Variants in SHOX2 observed in about 807,000 individuals in gnomAD.
The protein encoded by SHOX2 is SHOX homeobox 2, also known as short stature homeobox protein 2.
SHOX2 carries 13 observed loss-of-function variants against 31.3 expected under a neutral mutation model. That is an observed-to-expected ratio of 0.42 (90% confidence interval 0.27 to 0.66). The LOEUF is 0.66. SHOX2 is among the 30% of genes least tolerant of loss of function. The pLI is 0.27. For synonymous variants in SHOX2, 244 were observed against 196.2 expected (o/e 1.24, Z -2.04); for missense variants, 473 against 443.0 (o/e 1.07, Z -0.61).
In SHOX2 at chr3:158,105,953, C is replaced by A. The variant is rs1036850162; in HGVS notation, c.72G>T (p.Thr24=). ...QKVKEKKEAI[T]YREVLESGPL... is the part of the protein sequence containing the mutation. ...GCCCGCTCTCCAGCACCTCCCGGTA[C>A]GTGATCGCCTCCTTCTTCTCCTTCA... Residue 24 remains threonine, a synonymous_variant, in exon 1 of 5, where the codon ACG becomes ACT. Transcript: ENST00000483851. The A allele has an allele frequency of 1.2e-6, 2 of 1,612,604 alleles. No individual in the cohort carries two copies. The highest frequency in any genetic ancestry group is 1.7e-6 in the Non-Finnish European group (2 of 1,179,642).
intron 4 of SHOX2, among the ~76,000 whole-genome samples, chr3:158,099,150 C>A (rs1365988670): frequency 6.6e-6 from 1 of 152,218 alleles, no homozygotes; most frequent in East Asian, 1.9e-4. Context: ...GGGGTCCTGG[C>A]TGAGGATAGG....
At chr3:158,100,614 T>A (rs577857313) in intron 2 of SHOX2, among the ~76,000 whole-genome samples, 20 of 152,340 alleles carry the variant, frequency 1.3e-4, no homozygotes, top group South Asian at 2.1e-4. Context: ...GATACCAACA[T>A]GATAATGGTT....
Position 158,098,153 on chromosome 3 carries a change from G to A in SHOX2, c.834C>T (p.Ala278=), listed in dbSNP as rs145990015. 1.5e-5 allele frequency: 24 copies of A among 1,613,292 alleles called. No homozygotes were observed. Among genetic ancestry groups the A allele is most frequent in the Middle Eastern group, 1.6e-4 (1 of 6,066 alleles). Residue 278 remains alanine (A), a synonymous_variant, in exon 5 of 5, where the codon GCC becomes GCT. Transcript: ENST00000483851. ...PPFGLPLATL[A]ADSASAASVV... ...CCGAGGCGGCGGAAGCCGAATCCGC[G>A]GCCAGCGTGGCGAGCGGCAGTCCGA...
rs564146581 is a variant in SHOX2, at chr3:158,097,717, G to A, written c.*310C>T. 1.6e-4 allele frequency: 50 copies of A among 322,526 alleles called. No homozygotes were observed. In the South Asian group the frequency reaches 3.7e-3, roughly 24 times the overall value. 20.0% of individuals were successfully genotyped at this position (322,526 alleles called of 1,614,324 possible). ...AGCTTTGCGGTGAGCCAAACTCCGC[G>A]GTTCCAGCACTCCCCTGTCCAGTCT... On this transcript the variant is annotated 3_prime_UTR_variant, in exon 5 of 5. Transcript: ENST00000483851.
chr3:158,105,978 A>C lies in SHOX2; in HGVS notation c.47T>G (p.Val16Gly), dbSNP rs995153200. 3 of 1,612,710 alleles carry C rather than the reference A, an allele frequency of 1.9e-6. No individual in the cohort carries two copies. The highest frequency in any genetic ancestry group is 2.5e-6 in the Non-Finnish European group (3 of 1,179,726). ...AFVSKSFDQKVKEKKEAITYR... is the reference protein window; with the variant it reads ...AFVSKSFDQKGKEKKEAITYR... ...CGTGATCGCCTCCTTCTTCTCCTTC[A>C]CTTTCTGGTCAAAAGACTTGGAGAC... Residue 16 changes from valine to glycine, a missense_variant, in exon 1 of 5, where the codon GTG (valine) becomes GGG (glycine). Transcript: ENST00000483851.
chr3:158,105,996 T>C lies in SHOX2; in HGVS notation c.29A>G (p.Lys10Arg), dbSNP rs1713902727. The C allele has an allele frequency of 1.2e-6, 2 of 1,613,072 alleles. No individual in the cohort carries two copies. Among genetic ancestry groups the C allele is most frequent in the Non-Finnish European group, 1.7e-6 (2 of 1,179,718 alleles). ...CTCCTTCACTTTCTGGTCAAAAGAC[T>C]TGGAGACGAACGCCGTAAGTTCTTC... Reference protein sequence around the residue: MEELTAFVSKSFDQKVKEKK... With the variant: MEELTAFVSRSFDQKVKEKK... Residue 10 changes from lysine (K) to arginine (R), a missense_variant, in exon 1 of 5, where the codon AAG (lysine) becomes AGG (arginine). This residue lies in a region of SHOX2 where 276 missense variants were observed against 230.0 expected (regional missense o/e 1.20). Transcript: ENST00000483851.
intron 1 of SHOX2, chr3:158,103,978 C>T (rs1249632209): frequency 6.6e-6 from 1 of 152,276 alleles, no homozygotes; most frequent in African/African-American, 2.4e-5. Flanking sequence ...TATACAGCCA[C>T]CATATATATA....
At chr3:158,105,266 C>T in intron 1 of SHOX2, 1 of 648,456 alleles carries the variant, frequency 1.5e-6, no homozygotes, top group South Asian at 1.8e-5. Context: ...TTCTCCCTCC[C>T]GGCAAACTCT....
chr3:158,103,177 C>T (rs76018528), intron 1 of SHOX2: 2 of 491,544 alleles, frequency 4.1e-6, no homozygotes, highest in Non-Finnish European at 7.4e-6. Flanking sequence ...TCACTATTCA[C>T]CCCCCAGTCA....
chr3:158,099,692 AC>A (rs1167264293), intron 4 of SHOX2, among the ~76,000 whole-genome samples, 167 bp downstream of exon 4: 2 of 152,188 alleles, frequency 1.3e-5, no homozygotes, highest in Non-Finnish European at 2.9e-5. Flanking sequence ...GGCCTTTAAT[AC>A]CGTATAGGTT....
rs1578084155 is a variant in SHOX2 at position 158,106,143 on chromosome 3, T to G, written c.-119A>C. The G allele has an allele frequency of 2.7e-6, 4 of 1,476,980 alleles. No individual in the cohort carries two copies. Among genetic ancestry groups the G allele is most frequent in the African/African-American group, 1.5e-5 (1 of 66,430 alleles). 91.5% of individuals were successfully genotyped at this position (1,476,980 alleles called of 1,614,324 possible). A position where few individuals can be genotyped will look rare whatever the true frequency, so the allele number is the denominator to read the frequency against. Reference sequence around the variant, plus strand: ...AATAACACATCAATGGGACAGGAGGTGGGGGAGGAGAGGGAGGAGGAGAAA... The same window carrying G: ...AATAACACATCAATGGGACAGGAGGGGGGGGAGGAGAGGGAGGAGGAGAAA... On this transcript the variant is annotated 5_prime_UTR_variant, in exon 1 of 5. Transcript: ENST00000483851.
Position 158,105,821 on chromosome 3 carries a change from T to G in SHOX2, c.204A>C (p.Gly68=), listed in dbSNP as rs1387785271. Residue 68 remains glycine (G), a synonymous_variant, in exon 1 of 5, where the codon GGA becomes GGC. Coordinates refer to ENST00000483851, the MANE Select transcript of SHOX2 (RefSeq NM_001163678.2). Reference sequence around the variant, plus strand: ...CTCCTCCGCCTCCTCCGCCGCCGCCTCCGCCTCCTCCGCCGCCGCCTCCGC... The same window carrying G: ...CTCCTCCGCCTCCTCCGCCGCCGCCGCCGCCTCCTCCGCCGCCGCCTCCGC... ...AAGGGGGGGG[G]GGGGGGGGGV... 44 of 1,453,290 alleles carry G rather than the reference T, an allele frequency of 3.0e-5. No homozygotes were observed. Among genetic ancestry groups the G allele is most frequent in the Non-Finnish European group, 3.7e-5 (41 of 1,103,214 alleles). The allele number at this position is 1,453,290 out of a possible 1,614,324, so 90.0% of individuals were successfully genotyped here. A position where few individuals can be genotyped will look rare whatever the true frequency, so the allele number is the denominator to read the frequency against.
At position 158,105,978 on chromosome 3, in the gene SHOX2, A is replaced by G. The variant is rs995153200; in HGVS notation, c.47T>C (p.Val16Ala). 5.6e-6 allele frequency: 9 copies of G among 1,612,592 alleles called. No homozygotes were observed. Among genetic ancestry groups the G allele is most frequent in the South Asian group, 1.1e-5 (1 of 91,058 alleles). ...AFVSKSFDQKVKEKKEAITYR... is the reference protein window; with the variant it reads ...AFVSKSFDQKAKEKKEAITYR... The stretch of plus-strand genomic sequence containing the variant: ...CGTGATCGCCTCCTTCTTCTCCTTC[A>G]CTTTCTGGTCAAAAGACTTGGAGAC... The change falls in exon 1 of 5, where the codon GTG (valine) becomes GCG (alanine). Residue 16 changes from valine to alanine, a missense_variant. This residue lies in a region of SHOX2 where 276 missense variants were observed against 230.0 expected (regional missense o/e 1.20). Transcript: ENST00000483851.
chr3:158,103,169 A>G (rs1232027150), intron 1 of SHOX2: 1 of 512,246 alleles, frequency 2.0e-6, no homozygotes, highest in African/African-American at 1.9e-5. Context: ...TCACCGCCTC[A>G]CTATTCACCC....
chr3:158,096,924 A>ATATATATCTATATC lies in SHOX2; in HGVS notation c.*1102_*1103insGATATAGATATATA, dbSNP rs1466365906. 2 of 126,232 alleles carry ATATATATCTATATC rather than the reference A, an allele frequency of 1.6e-5. No homozygotes were observed. The highest frequency in any genetic ancestry group is 2.5e-4 in the East Asian group (1 of 3,968). The allele number at this position is 126,232 out of a possible 1,614,324, so 7.8% of individuals were successfully genotyped here. A position where few individuals can be genotyped will look rare whatever the true frequency, so the allele number is the denominator to read the frequency against. ...TATATATATATATATATATATATAT[A>ATATATATCTATATC]TATATATGGCAAATATATGATATAT... On this transcript the variant is annotated 3_prime_UTR_variant, in exon 5 of 5. Coordinates refer to ENST00000483851, the MANE Select transcript of SHOX2 (RefSeq NM_001163678.2).
At position 158,097,753 on chromosome 3, in the gene SHOX2, T is replaced by A; in HGVS notation, c.*274A>T. On this transcript the variant is annotated 3_prime_UTR_variant, in exon 5 of 5. Coordinates refer to ENST00000483851, the MANE Select transcript of SHOX2 (RefSeq NM_001163678.2). The stretch of plus-strand genomic sequence containing the variant: ...TCCCCTGTCCAGTCTCTCTCCAGAC[T>A]CCCCCAAACCCGCTCCTACAAAACC... 1 of 486,450 alleles carries A rather than the reference T, an allele frequency of 2.1e-6. No homozygotes were observed. Among genetic ancestry groups the A allele is most frequent in the South Asian group, 2.9e-5 (1 of 34,894 alleles). 30.1% of individuals were successfully genotyped at this position (486,450 alleles called of 1,614,324 possible).
chr3:158,102,405 A>AG (rs750948586), intron 2 of SHOX2, among the ~76,000 whole-genome samples: 1 of 151,682 alleles, frequency 6.6e-6, no homozygotes, highest in East Asian at 1.9e-4. Context: ...GTGCGAGGCA[A>AG]GGGGGGTGTG....
intron 1 of SHOX2, chr3:158,103,270 G>T (rs373810704): frequency 1.3e-5 from 4 of 312,472 alleles, no homozygotes; most frequent in Admixed American, 4.5e-5. Flanking sequence ...AATCAAAGGC[G>T]CAGCGCCAGG....
At chr3:158,105,137 G>A in intron 1 of SHOX2, 1 of 1,531,342 alleles carries the variant, frequency 6.5e-7, no homozygotes, top group Non-Finnish European at 8.8e-7. Flanking sequence ...TACCTTGAAA[G>A]AGAATGGGAA....
Sources: gnomAD v4.1 joint callset for allele counts (sites outside exome capture counted in the v4.1 genomes callset) on GRCh38, gnomAD v4.1.1 for gene constraint, gnomAD v4.1.1 regional missense constraint, MANE v1.5 for transcripts, NCBI Gene and HGNC (gene_info 2026-07-23, HGNC 2026-07-21) for gene names.